CAMTA1: variants seen among roughly 807,000 people sequenced by gnomAD.
The protein encoded by CAMTA1 is calmodulin-binding transcription activator 1.
In CAMTA1, 27 loss-of-function variants were observed where a neutral mutation model predicts 170.9. The observed-to-expected ratio is 0.16, with a 90% CI of 0.12 to 0.22. CAMTA1 has a LOEUF of 0.22. CAMTA1 is among the 10% of genes least tolerant of loss of function. CAMTA1 has a pLI of 1.00. For missense variants in CAMTA1, 1,619 were observed against 2,217.2 expected (o/e 0.73, Z 5.42); for synonymous variants, 833 against 891.5 (o/e 0.93, Z 1.17).
intron 4 of CAMTA1, among the ~76,000 whole-genome samples, chr1:7,186,751 C>T (rs996496220): frequency 6.6e-6 from 1 of 152,094 alleles, no homozygotes; most frequent in African/African-American, 2.4e-5. Flanking sequence ...AAACTATGTG[C>T]CAGGCACTAT....
chr1:7,215,652 C>A (rs748069587), intron 4 of CAMTA1, among the ~76,000 whole-genome samples: 1 of 152,208 alleles, frequency 6.6e-6, no homozygotes, highest in Non-Finnish European at 1.5e-5. Context: ...CCTTGGCCCC[C>A]CAAAGTGCTG....
At position 7,736,216 on chromosome 1, in the gene CAMTA1, A is replaced by C. The variant is rs1442401735; in HGVS notation, c.3067-128A>C. On this transcript the variant is annotated intron_variant, in intron 12 of 22. Transcript: ENST00000303635. This position sits in a 1 kb window ranked among gnomAD's most constrained non-coding sequence, Gnocchi z 4.5. ...CAGCATGCCCAGCCAATGTTTCTTTATTTTCAGTGTTTTATGTTTTCCGTT... is the reference window on the plus strand; with the variant it reads ...CAGCATGCCCAGCCAATGTTTCTTTCTTTTCAGTGTTTTATGTTTTCCGTT... The C allele has an allele frequency of 2.4e-6, 2 of 831,178 alleles. No individual in the cohort carries two copies. Among genetic ancestry groups the C allele is most frequent in the East Asian group, 5.4e-5 (2 of 37,230 alleles). The allele number at this position is 831,178 out of a possible 1,614,324, so 51.5% of individuals were successfully genotyped here. A position where few individuals can be genotyped will look rare whatever the true frequency, so the allele number is the denominator to read the frequency against.
At chr1:7,584,526 A>C (rs2095291938) in intron 6 of CAMTA1, among the ~76,000 whole-genome samples, 1 of 152,186 alleles carries the variant, frequency 6.6e-6, no homozygotes, top group Non-Finnish European at 1.5e-5. Flanking sequence ...CAGAGGACTC[A>C]GTAGACCCTA....
intron 6 of CAMTA1, among the ~76,000 whole-genome samples, chr1:7,493,316 AAC>A: frequency 5.2e-5 from 1 of 19,244 alleles, no homozygotes; most frequent in Middle Eastern, 0.02. Flanking sequence ...TGCGCACACA[AAC>A]AAACCTACGT....
At chr1:7,107,048 G>A (rs982412585) in intron 4 of CAMTA1, among the ~76,000 whole-genome samples, 1 of 152,032 alleles carries the variant, frequency 6.6e-6, no homozygotes, top group African/African-American at 2.4e-5. Context: ...GGGAGAGGGG[G>A]CCTCGAAATG....
chr1:7,751,441 T>G, intron 20 of CAMTA1, 49 bp downstream of exon 20: 3 of 1,476,400 alleles, frequency 2.0e-6, no homozygotes, highest in Non-Finnish European at 2.7e-6. Context: ...GGAAGAGAAC[T>G]CTGACTTCTT....
At chr1:7,290,488 C>T (rs1332128879) in intron 5 of CAMTA1, among the ~76,000 whole-genome samples, 5 of 152,118 alleles carry the variant, frequency 3.3e-5, no homozygotes, top group African/African-American at 4.8e-5. Context: ...GAGAGTAACT[C>T]GGGGCCTGGG....
Position 7,067,797 on chromosome 1 carries a change from T to G in CAMTA1, c.235-23507T>G, listed in dbSNP as rs750517700. Among the ~76,000 whole-genome samples the G allele has an allele frequency of 3.0e-4, 45 of 152,152 alleles. No homozygotes were observed. Among genetic ancestry groups the G allele is most frequent in the Non-Finnish European group, 4.9e-4 (33 of 68,028 alleles). On this transcript the variant is annotated intron_variant, in intron 3 of 22. Transcript: ENST00000303635. This position sits in a 1 kb window ranked among gnomAD's most constrained non-coding sequence, Gnocchi z 4.3. ...GGGGAGATGCCAGGGCCCTCTCCAGTCCCAGGGGATAAACCTAGATCCGTC... is the reference window on the plus strand; with the variant it reads ...GGGGAGATGCCAGGGCCCTCTCCAGGCCCAGGGGATAAACCTAGATCCGTC...
intron 6 of CAMTA1, among the ~76,000 whole-genome samples, chr1:7,494,056 G>T (rs2093785681): frequency 6.6e-6 from 1 of 151,696 alleles, no homozygotes; most frequent in African/African-American, 2.4e-5. Context: ...TCCAAACTGG[G>T]TTCATTCTGC....
intron 5 of CAMTA1, among the ~76,000 whole-genome samples, chr1:7,368,420 G>A (rs1574957560): frequency 6.8e-6 from 1 of 147,366 alleles, no homozygotes. Context: ...TTGGGCGCAG[G>A]CACTGGGCAC....
chr1:7,672,700 G>C (rs1223527246), intron 10 of CAMTA1, among the ~76,000 whole-genome samples: 1 of 151,990 alleles, frequency 6.6e-6, no homozygotes, highest in East Asian at 1.9e-4. Context: ...GGATTACAGG[G>C]GTGAGCCACT....
At chr1:7,036,662 C>T (rs1703641603) in intron 3 of CAMTA1, among the ~76,000 whole-genome samples, 2 of 152,204 alleles carry the variant, frequency 1.3e-5, no homozygotes. Flanking sequence ...AGGTGATTGG[C>T]TTGTTATCTG....
chr1:7,022,061 C>G (rs1298308070), intron 3 of CAMTA1, among the ~76,000 whole-genome samples: 2 of 152,208 alleles, frequency 1.3e-5, no homozygotes, highest in African/African-American at 4.8e-5. Flanking sequence ...CAGCAGGTCT[C>G]CCGAGCGTGA....
At chr1:7,760,999 A>C (rs1469037272) in intron 22 of CAMTA1, among the ~76,000 whole-genome samples, 1 of 152,214 alleles carries the variant, frequency 6.6e-6, no homozygotes, top group Non-Finnish European at 1.5e-5. Context: ...ATAAATGATC[A>C]TTGGACGTCT....
intron 3 of CAMTA1, among the ~76,000 whole-genome samples, chr1:6,928,307 A>C (rs759350513): frequency 5.9e-5 from 9 of 152,148 alleles, no homozygotes; most frequent in Non-Finnish European, 1.3e-4. Context: ...GAAGTACTGA[A>C]ATCATTGCTT....
At chr1:7,625,113 A>G (rs2095624444) in intron 6 of CAMTA1, among the ~76,000 whole-genome samples, 1 of 152,070 alleles carries the variant, frequency 6.6e-6, no homozygotes, top group Non-Finnish European at 1.5e-5. Context: ...TTGCATTCAC[A>G]GGAAATGGGG....
At chr1:6,793,015 C>T (rs1569899391) in intron 1 of CAMTA1, among the ~76,000 whole-genome samples, 3 of 151,748 alleles carry the variant, frequency 2.0e-5, no homozygotes, top group Admixed American at 1.3e-4. Context: ...TCATACCACT[C>T]ATATATATCT....
chr1:7,282,412 G>C (rs1671651989), intron 5 of CAMTA1, among the ~76,000 whole-genome samples: 1 of 152,120 alleles, frequency 6.6e-6, no homozygotes, highest in Non-Finnish European at 1.5e-5. Context: ...ACTGCCCCCA[G>C]ATCTGGAAGA....
At chr1:7,382,471 C>A (rs1042215442) in intron 5 of CAMTA1, 2 of 152,218 alleles carry the variant, frequency 1.3e-5, no homozygotes, top group Non-Finnish European at 2.9e-5. Flanking sequence ...CCATCATTCC[C>A]CAGGACAGGC....
Sources: gnomAD v4.1 joint callset for allele counts (sites outside exome capture counted in the v4.1 genomes callset) on GRCh38, gnomAD v4.1.1 for gene constraint, Gnocchi (gnomAD v3.1) non-coding constraint, MANE v1.5 for transcripts, NCBI Gene and HGNC (gene_info 2026-07-23, HGNC 2026-07-21) for gene names.